Variants in FRMD6 observed in about 807,000 individuals in gnomAD.
The protein encoded by FRMD6 is FERM domain containing 6.
A neutral mutation model predicts 73.2 loss-of-function variants in FRMD6; 37 were observed. That is an observed-to-expected ratio of 0.51 (90% CI 0.39 to 0.66). FRMD6 has a LOEUF of 0.66. Ranked by LOEUF, FRMD6 falls within the 30% of genes least tolerant of loss-of-function variation. The pLI is 0.00. For synonymous variants in FRMD6, 273 were observed against 282.2 expected (o/e 0.97, Z 0.33); for missense variants, 714 against 780.5 (o/e 0.91, Z 1.02).
At chr14:51,554,963 C>T (rs1163998271) in intron 1 of FRMD6, among the ~76,000 whole-genome samples, 1 of 152,188 alleles carries the variant, frequency 6.6e-6, no homozygotes, top group Non-Finnish European at 1.5e-5. Context: ...GCTATTTTCA[C>T]AATTTTTCTG....
intron 2 of FRMD6, among the ~76,000 whole-genome samples, chr14:51,630,715 C>G (rs912605875): frequency 6.6e-6 from 1 of 152,038 alleles, no homozygotes; most frequent in East Asian, 1.9e-4. Context: ...CCACTGCACT[C>G]CAGCCTAGGT....
chr14:51,722,052 C>T lies in FRMD6; in HGVS notation c.1464C>T (p.Leu488=), dbSNP rs78316801. The T allele has an allele frequency of 5.4e-4, 876 of 1,614,116 alleles. 2 individuals are homozygous for T. In the African/African-American group the frequency reaches 9.5e-3, roughly 17 times the overall value. The part of the protein sequence containing the change: ...DMCIYITEDM[L]MSRKLNGHSG... ...GCATCTACATCACAGAGGACATGCT[C>T]ATGTCGCGGAAGCTGAATGGACACT... is the stretch of plus-strand genomic sequence containing the variant. Residue 488 remains leucine, a synonymous_variant, in exon 12 of 14, where the codon CTC becomes CTT. Transcript: ENST00000344768.
chr14:51,509,528 AAAAACAAAACAAAACAAAAC>A (rs149803242), intron 1 of FRMD6, among the ~76,000 whole-genome samples: 5 of 150,234 alleles, frequency 3.3e-5, no homozygotes, highest in African/African-American at 1.2e-4. Context: ...CTCCGTCTCA[AAAAACAAAACAAAACAAAAC>A]AAAACAAAAC....
the FRMD6 span, among the ~76,000 whole-genome samples, chr14:51,412,429 G>A: frequency 3.9e-5 from 6 of 151,954 alleles, no homozygotes; most frequent in Non-Finnish European, 8.8e-5. Context: ...ATGATTTTGA[G>A]AGCTCCAAAT....
the FRMD6 span, among the ~76,000 whole-genome samples, chr14:51,462,784 AAGAGAGAG>A: frequency 2.0e-5 from 3 of 149,478 alleles, no homozygotes; most frequent in African/African-American, 7.4e-5. Context: ...ATAAGGGAGG[AAGAGAGAG>A]AGAGAGAGAG....
At chr14:51,464,423 T>C in the FRMD6 span, among the ~76,000 whole-genome samples, 1 of 151,716 alleles carries the variant, frequency 6.6e-6, no homozygotes, top group Non-Finnish European at 1.5e-5. Context: ...GGAGAGGTAA[T>C]AAATTTCTGG....
intron 1 of FRMD6, chr14:51,491,631 A>G (rs569767848): frequency 1.3e-5 from 2 of 152,246 alleles, no homozygotes; most frequent in South Asian, 4.1e-4. Flanking sequence ...ATAGAAACAA[A>G]CAAACAAAAC....
At chr14:51,549,454 G>T (rs1341935972) in intron 1 of FRMD6, among the ~76,000 whole-genome samples, 4 of 152,098 alleles carry the variant, frequency 2.6e-5, no homozygotes, top group African/African-American at 9.7e-5. Context: ...TTGGTTTGTG[G>T]AAGGGTGTTA....
intron 1 of FRMD6, among the ~76,000 whole-genome samples, chr14:51,517,813 G>A (rs1156292566): frequency 2.0e-5 from 3 of 152,072 alleles, no homozygotes; most frequent in African/African-American, 7.2e-5. Flanking sequence ...CTGGCTCTCC[G>A]GTATGGCCTG....
chr14:51,671,774 G>A (rs1054637982), intron 1 of FRMD6, among the ~76,000 whole-genome samples: 7 of 152,194 alleles, frequency 4.6e-5, no homozygotes, highest in African/African-American at 1.2e-4. Context: ...AAATGTTAAA[G>A]ATGAAGCCTG....
chr14:51,401,952 C>T, the FRMD6 span, among the ~76,000 whole-genome samples: 2 of 152,162 alleles, frequency 1.3e-5, no homozygotes, highest in African/African-American at 2.4e-5. Context: ...CCAGCCAGGC[C>T]TCCTATCACA....
chr14:51,590,062 C>CAAAAAA (rs529602796), intron 2 of FRMD6, among the ~76,000 whole-genome samples: 3 of 82,588 alleles, frequency 3.6e-5, no homozygotes, highest in Admixed American at 1.3e-4. Flanking sequence ...GAGCGAAACT[C>CAAAAAA]AAAAAAAAAA....
chr14:51,514,129 C>T (rs932712444), intron 1 of FRMD6, among the ~76,000 whole-genome samples: 1 of 152,212 alleles, frequency 6.6e-6, no homozygotes, highest in African/African-American at 2.4e-5. Flanking sequence ...CTCTCCCCCA[C>T]ATGACTCTTC....
In FRMD6 at chr14:51,607,738, T is replaced by C. The variant is rs191721402; in HGVS notation, c.-147+37328T>C. Among the ~76,000 whole-genome samples the C allele has an allele frequency of 1.8e-4, 27 of 152,324 alleles. No homozygotes were observed. The East Asian group carries it at 4.8e-3, about 27-fold the overall frequency. On this transcript the variant is annotated intron_variant, in intron 2 of 14. Transcript: ENST00000356218. ...TTGCCATTTCCCTTACTTAACTATA[T>C]GTCTAAATGGGCTTTTTATTAAGTG...
At chr14:51,472,306 A>C in the FRMD6 span, among the ~76,000 whole-genome samples, 3 of 151,772 alleles carry the variant, frequency 2.0e-5, no homozygotes, top group South Asian at 6.2e-4. Flanking sequence ...TATTATTATA[A>C]TAATAATTAT....
intron 1 of FRMD6, among the ~76,000 whole-genome samples, chr14:51,660,376 T>C (rs1364437719): frequency 6.6e-6 from 1 of 152,210 alleles, no homozygotes; most frequent in Non-Finnish European, 1.5e-5. Context: ...CTGGGGCCAC[T>C]GGATTTATAC....
At chr14:51,475,043 C>T in the FRMD6 span, among the ~76,000 whole-genome samples, 1 of 152,166 alleles carries the variant, frequency 6.6e-6, no homozygotes, top group Non-Finnish European at 1.5e-5. Flanking sequence ...TTATGATAAT[C>T]CCCACTTCCA....
intron 2 of FRMD6, among the ~76,000 whole-genome samples, chr14:51,572,893 G>C (rs534601844): frequency 1.1e-3 from 167 of 152,222 alleles, no homozygotes; most frequent in Non-Finnish European, 1.9e-3. Context: ...AAGAGTCAGA[G>C]GCTTATAGAC....
intron 2 of FRMD6, among the ~76,000 whole-genome samples, chr14:51,607,598 G>A (rs1594595104): frequency 6.6e-6 from 1 of 151,980 alleles, no homozygotes; most frequent in African/African-American, 2.4e-5. Context: ...CATACCACTC[G>A]CTCCTCAGGG....
Sources: gnomAD v4.1 joint callset for allele counts (sites outside exome capture counted in the v4.1 genomes callset) on GRCh38, gnomAD v4.1.1 for gene constraint, MANE v1.5 for transcripts, NCBI Gene and HGNC (gene_info 2026-07-23, HGNC 2026-07-21) for gene names.